Variants in SDHAF3 observed in about 807,000 individuals in gnomAD.
SDHAF3 encodes the protein succinate dehydrogenase assembly factor 3, mitochondrial.
In SDHAF3, 18 loss-of-function variants were observed where a neutral mutation model predicts 11.5. That is an observed-to-expected ratio of 1.56 (90% CI 1.08 to 2.32). The LOEUF (loss-of-function observed/expected upper bound fraction) is 2.32. Ranked by LOEUF, SDHAF3 falls within the 30% of genes most tolerant of loss-of-function variation. The pLI, the probability that SDHAF3 is intolerant of heterozygous loss-of-function variation, is 0.00. For synonymous variants in SDHAF3, 72 were observed against 59.3 expected (o/e 1.21, Z -0.99); for missense variants, 200 against 154.4 (o/e 1.30, Z -1.57).
chr7:97,120,049 G>A (rs914242917), intron 1 of SDHAF3, among the ~76,000 whole-genome samples: 3 of 152,020 alleles, frequency 2.0e-5, no homozygotes, highest in African/African-American at 7.2e-5. Context: ...ATACATATTT[G>A]GGGGTAGGTA....
intron 1 of SDHAF3, among the ~76,000 whole-genome samples, chr7:97,140,749 T>A (rs1039438332): frequency 7.5e-6 from 1 of 132,974 alleles, no homozygotes; most frequent in African/African-American, 3.0e-5. Flanking sequence ...CTGAGGAGGA[T>A]GTATGTCGCC....
chr7:97,136,680 T>C (rs1791775889), intron 1 of SDHAF3, among the ~76,000 whole-genome samples: 1 of 152,206 alleles, frequency 6.6e-6, no homozygotes, highest in African/African-American at 2.4e-5. Flanking sequence ...TTTTCTCTTT[T>C]AAAAGCATAA....
chr7:97,130,729 T>C (rs538978248), intron 1 of SDHAF3, among the ~76,000 whole-genome samples: 1 of 152,240 alleles, frequency 6.6e-6, no homozygotes, highest in East Asian at 1.9e-4. Context: ...AACCACATAG[T>C]GAGTAAGGTG....
chr7:97,162,347 A>AT (rs1009344051), intron 1 of SDHAF3, among the ~76,000 whole-genome samples: 21 of 151,572 alleles, frequency 1.4e-4, no homozygotes, highest in African/African-American at 2.7e-4. Flanking sequence ...GGCTTCATTG[A>AT]TTTTTTTTGA....
chr7:97,145,496 G>A (rs560675603), intron 1 of SDHAF3, among the ~76,000 whole-genome samples: 2 of 152,202 alleles, frequency 1.3e-5, no homozygotes, highest in African/African-American at 4.8e-5. Context: ...TCACTGAATA[G>A]TGTTTAAATA....
At position 97,180,049 on chromosome 7, in the gene SDHAF3, GTC is replaced by G. The variant is rs552791522; in HGVS notation, c.175-961_175-960del. On this transcript the variant is annotated intron_variant, in intron 1 of 1. Transcript: ENST00000432641. ...GCTTAAAAGATTAATTTTAGAGTGAGTCTGTTTCAAAACAGTGGCACTTGTGC... is the reference window on the plus strand; with the variant it reads ...GCTTAAAAGATTAATTTTAGAGTGAGTGTTTCAAAACAGTGGCACTTGTGC... Among the ~76,000 whole-genome samples the G allele has an allele frequency of 4.4e-4, 67 of 152,310 alleles. 1 individual carries two copies. The highest frequency in any genetic ancestry group is 6.8e-3 in the Middle Eastern group (2 of 294).
At chr7:97,121,147 T>C (rs956712634) in intron 1 of SDHAF3, among the ~76,000 whole-genome samples, 1 of 152,206 alleles carries the variant, frequency 6.6e-6, no homozygotes, top group African/African-American at 2.4e-5. Context: ...AGGTAACTAT[T>C]AGAAGTGAAA....
intron 1 of SDHAF3, among the ~76,000 whole-genome samples, chr7:97,162,542 C>T (rs1789429608): frequency 6.6e-6 from 1 of 152,124 alleles, no homozygotes; most frequent in South Asian, 2.1e-4. Context: ...CATAAATTTC[C>T]CTCTACACAC....
At chr7:97,126,319 T>C (rs1281053546) in intron 1 of SDHAF3, among the ~76,000 whole-genome samples, 1 of 152,210 alleles carries the variant, frequency 6.6e-6, no homozygotes, top group Non-Finnish European at 1.5e-5. Flanking sequence ...TTAGTGGAGC[T>C]CAAGCACCGT....
At chr7:97,153,376 T>C (rs1264783119) in intron 1 of SDHAF3, among the ~76,000 whole-genome samples, 2 of 152,246 alleles carry the variant, frequency 1.3e-5, no homozygotes, top group Non-Finnish European at 2.9e-5. Context: ...TGTCTTTTCA[T>C]GGCTTGATCA....
At chr7:97,179,531 C>T in intron 1 of SDHAF3, among the ~76,000 whole-genome samples, 1 of 151,202 alleles carries the variant, frequency 6.6e-6, no homozygotes, top group South Asian at 2.1e-4. Flanking sequence ...TACTTGTTCA[C>T]ATGTTTTAAA....
chr7:97,154,586 C>G (rs1477359342), intron 1 of SDHAF3, among the ~76,000 whole-genome samples: 2 of 151,706 alleles, frequency 1.3e-5, no homozygotes, highest in East Asian at 1.9e-4. Flanking sequence ...GTTTTTTTAT[C>G]CTTTTAACAC....
In SDHAF3 at chr7:97,181,266, T is replaced by A; in HGVS notation, c.*51T>A. ...ATGCAAAAATTTAGAACCCCTACTTTAACTGTCATTGGTTTTTGAAATATA... is the reference window on the plus strand; with the variant it reads ...ATGCAAAAATTTAGAACCCCTACTTAAACTGTCATTGGTTTTTGAAATATA... On this transcript the variant is annotated 3_prime_UTR_variant, in exon 2 of 2. Transcript: ENST00000432641. 2 of 1,343,756 alleles carry A rather than the reference T, an allele frequency of 1.5e-6. No individual in the cohort carries two copies. Among genetic ancestry groups the A allele is most frequent in the Non-Finnish European group, 2.1e-6 (2 of 973,236 alleles). The allele number at this position is 1,343,756 out of a possible 1,614,324, so 83.2% of individuals were successfully genotyped here.
chr7:97,121,182 TTAC>T (rs1791486280), intron 1 of SDHAF3, among the ~76,000 whole-genome samples: 1 of 152,220 alleles, frequency 6.6e-6, no homozygotes, highest in South Asian at 2.1e-4. Flanking sequence ...ATCGGGGGTC[TTAC>T]TACGGCATTT....
At chr7:97,134,220 C>T (rs1044468085) in intron 1 of SDHAF3, among the ~76,000 whole-genome samples, 9 of 152,194 alleles carry the variant, frequency 5.9e-5, no homozygotes, top group Non-Finnish European at 1.3e-4. Flanking sequence ...GGCTTCACAC[C>T]ACATGCCTTG....
At chr7:97,171,627 TTAA>T (rs1562831579) in intron 1 of SDHAF3, among the ~76,000 whole-genome samples, 2 of 152,116 alleles carry the variant, frequency 1.3e-5, no homozygotes, top group Non-Finnish European at 2.9e-5. Context: ...GATGAGTACC[TTAA>T]TAATGCTATT....
rs192482609 is a variant in SDHAF3 at position 97,123,827 on chromosome 7, G to A, written c.174+5930G>A. 5.0e-3 allele frequency among the ~76,000 whole-genome samples: 724 copies of A among 143,958 alleles called. 8 individuals are homozygous for A. Among genetic ancestry groups the A allele is most frequent in the African/African-American group, 0.017 (676 of 39,594 alleles). The allele number at this position is 143,958 out of a possible 152,430, so 94.4% of individuals were successfully genotyped here. A position where few individuals can be genotyped will look rare whatever the true frequency, so the allele number is the denominator to read the frequency against. On this transcript the variant is annotated intron_variant, in intron 1 of 1. Transcript: ENST00000432641. Reference sequence around the variant, plus strand: ...TGAGAAGGGTGTGTTCATATCCTTCGCCCACTTTTGGATGGGTTTTTTTTT... The same window carrying A: ...TGAGAAGGGTGTGTTCATATCCTTCACCCACTTTTGGATGGGTTTTTTTTT...
At chr7:97,165,357 CTTTT>C (rs10653828) in intron 1 of SDHAF3, among the ~76,000 whole-genome samples, 9 of 77,022 alleles carry the variant, frequency 1.2e-4, no homozygotes, top group East Asian at 8.6e-4. Flanking sequence ...ATTTTCCTAC[CTTTT>C]TTTTTTTTTT....
intron 1 of SDHAF3, among the ~76,000 whole-genome samples, chr7:97,122,174 T>C (rs533314384): frequency 6.6e-6 from 1 of 152,280 alleles, no homozygotes; most frequent in East Asian, 1.9e-4. Flanking sequence ...ATGACTTTTT[T>C]CCAGGAACTG....
Sources: gnomAD v4.1 joint callset for allele counts (sites outside exome capture counted in the v4.1 genomes callset) on GRCh38, gnomAD v4.1.1 for gene constraint, MANE v1.5 for transcripts, NCBI Gene and HGNC (gene_info 2026-07-23, HGNC 2026-07-21) for gene names.